The following AGMO variants were observed in gnomAD, a reference collection of about 807,000 sequenced individuals.
The protein encoded by AGMO is glyceryl-ether monooxygenase.
A neutral mutation model predicts 60.2 loss-of-function variants in AGMO; 75 were observed. The ratio of observed to expected loss-of-function variants is 1.25; its 90% CI spans 1.03 to 1.51. The LOEUF is 1.51. AGMO is among the 40% of genes most tolerant of loss of function. The pLI is 0.00. For missense variants in AGMO, 763 were observed against 525.5 expected (o/e 1.45, Z -4.42); for synonymous variants, 261 against 177.1 (o/e 1.47, Z -3.76).
chr7:15,311,484 T>TA (rs1174146514), intron 12 of AGMO, among the ~76,000 whole-genome samples: 4,739 of 146,128 alleles, frequency 0.032, 228 homozygotes, highest in African/African-American at 0.11. Context: ...GCAGAGGTAG[T>TA]AAAAAAAAAA....
intron 12 of AGMO, among the ~76,000 whole-genome samples, chr7:15,289,816 T>A (rs139352946): frequency 1.3e-3 from 198 of 152,160 alleles, no homozygotes; most frequent in Non-Finnish European, 2.5e-3. Flanking sequence ...ACATTCATTA[T>A]AGTAAAAGGT....
rs1182455937 is a variant in AGMO at position 15,519,407 on chromosome 7, A to G, written c.409+25365T>C. 2.6e-5 allele frequency among the ~76,000 whole-genome samples: 4 copies of G among 152,200 alleles called. No homozygotes were observed. The East Asian group carries it at 7.8e-4, about 30-fold the overall frequency. On this transcript the variant is annotated intron_variant, in intron 3 of 12. Transcript: ENST00000342526. ...AAAAAATGTTAAGGACAGCCAGAGA[A>G]TAAGGTCGGGTTACCCACAAAGAGA... is the stretch of plus-strand genomic sequence containing the variant.
the AGMO span, among the ~76,000 whole-genome samples, chr7:15,185,186 C>T: frequency 6.6e-6 from 1 of 151,866 alleles, no homozygotes; most frequent in Admixed American, 6.6e-5. Flanking sequence ...CCAAAAATAC[C>T]ATCATCTTAT....
At chr7:15,533,344 A>G (rs1264044266) in intron 3 of AGMO, among the ~76,000 whole-genome samples, 2 of 152,084 alleles carry the variant, frequency 1.3e-5, no homozygotes, top group Admixed American at 6.6e-5. Flanking sequence ...ATATTTATTT[A>G]GTCAAAATAT....
chr7:15,416,034 T>C (rs1248665573), intron 5 of AGMO, among the ~76,000 whole-genome samples: 1 of 149,108 alleles, frequency 6.7e-6, no homozygotes, highest in South Asian at 2.1e-4. Flanking sequence ...TTTCTTTTTT[T>C]TTTTTTTTTT....
intron 10 of AGMO, among the ~76,000 whole-genome samples, chr7:15,382,642 A>G (rs564934609): frequency 5.3e-5 from 8 of 152,304 alleles, no homozygotes; most frequent in African/African-American, 1.7e-4. Context: ...TTATTTTATG[A>G]TAACAAAATC....
chr7:15,446,307 T>G lies in AGMO; in HGVS notation c.410-15199A>C, dbSNP rs564353488. Among the ~76,000 whole-genome samples the G allele has an allele frequency of 1.1e-4, 16 of 152,160 alleles. No individual in the cohort carries two copies. The South Asian group carries it at 3.3e-3, about 32-fold the overall frequency. On this transcript the variant is annotated intron_variant, in intron 3 of 12. Transcript: ENST00000342526. ...TTAAGTACATTTCTCCTAGTAATTCTCTCTTTCCCTGTGATCAGCTTGTAT... is the reference window on the plus strand; with the variant it reads ...TTAAGTACATTTCTCCTAGTAATTCGCTCTTTCCCTGTGATCAGCTTGTAT...
At chr7:15,416,700 G>A (rs1198074222) in intron 5 of AGMO, among the ~76,000 whole-genome samples, 1 of 152,094 alleles carries the variant, frequency 6.6e-6, no homozygotes, top group Non-Finnish European at 1.5e-5. Flanking sequence ...CAAGTATGAT[G>A]CCTGATATTA....
intron 5 of AGMO, among the ~76,000 whole-genome samples, chr7:15,395,374 A>G (rs1334758219): frequency 6.6e-6 from 1 of 152,240 alleles, no homozygotes; most frequent in African/African-American, 2.4e-5. Context: ...GCATAACTAA[A>G]TTTAAGGTGT....
chr7:15,136,838 C>A, the AGMO span, among the ~76,000 whole-genome samples: 2 of 152,048 alleles, frequency 1.3e-5, no homozygotes, highest in African/African-American at 4.8e-5. Flanking sequence ...TTTTCCCCCT[C>A]CAGAATCCTC....
intron 3 of AGMO, among the ~76,000 whole-genome samples, chr7:15,451,313 A>G (rs1781849799): frequency 1.1e-5 from 1 of 90,110 alleles, no homozygotes; most frequent in South Asian, 3.6e-4. Context: ...AGAAGATAAA[A>G]TGATTCCAAT....
chr7:15,120,605 A>G, the AGMO span, among the ~76,000 whole-genome samples: 2 of 152,214 alleles, frequency 1.3e-5, no homozygotes, highest in East Asian at 3.9e-4. Context: ...TCAGCAAACC[A>G]GGATGTGGTA....
At chr7:15,536,221 A>C (rs1028650445) in intron 3 of AGMO, among the ~76,000 whole-genome samples, 6 of 151,886 alleles carry the variant, frequency 4.0e-5, no homozygotes, top group African/African-American at 1.4e-4. Flanking sequence ...GAAGAAACTA[A>C]GACATAGATT....
the AGMO span, among the ~76,000 whole-genome samples, chr7:15,148,525 T>C: frequency 1.5e-4 from 23 of 152,082 alleles, no homozygotes; most frequent in Admixed American, 1.5e-3. Context: ...ATTGTTCCTC[T>C]CTTTATGTTC....
intron 3 of AGMO, among the ~76,000 whole-genome samples, chr7:15,525,773 G>C (rs1462370777): frequency 6.6e-6 from 1 of 152,122 alleles, no homozygotes; most frequent in Non-Finnish European, 1.5e-5. Context: ...AGGCTGGAGA[G>C]GGGTAACGGG....
At chr7:15,489,743 G>T (rs765904044) in intron 3 of AGMO, among the ~76,000 whole-genome samples, 6 of 152,166 alleles carry the variant, frequency 3.9e-5, no homozygotes, top group African/African-American at 7.2e-5. Flanking sequence ...GACTCCTGTG[G>T]TTTGTTAACC....
At chr7:15,332,607 G>A (rs1781533105) in intron 12 of AGMO, among the ~76,000 whole-genome samples, 1 of 151,846 alleles carries the variant, frequency 6.6e-6, no homozygotes, top group Non-Finnish European at 1.5e-5. Context: ...TATGACCCTT[G>A]GCAAGTAAAA....
chr7:15,377,105 G>A (rs1030119561), intron 10 of AGMO, among the ~76,000 whole-genome samples: 2 of 151,962 alleles, frequency 1.3e-5, no homozygotes, highest in Non-Finnish European at 2.9e-5. Context: ...CAGTGAATCT[G>A]GAAAAAAATA....
At chr7:15,130,366 T>C in the AGMO span, among the ~76,000 whole-genome samples, 1 of 152,088 alleles carries the variant, frequency 6.6e-6, no homozygotes, top group Non-Finnish European at 1.5e-5. Flanking sequence ...TTTGCTTTTT[T>C]CTCTCCTAGA....
Sources: gnomAD v4.1 joint callset for allele counts (sites outside exome capture counted in the v4.1 genomes callset) on GRCh38, gnomAD v4.1.1 for gene constraint, MANE v1.5 for transcripts, NCBI Gene and HGNC (gene_info 2026-07-23, HGNC 2026-07-21) for gene names.